Variants in MTSS1 observed in about 807,000 individuals in gnomAD.
MTSS1 encodes the protein MTSS I-BAR domain containing 1.
MTSS1 carries 18 observed loss-of-function variants against 79.0 expected under a neutral mutation model. That is an observed-to-expected ratio of 0.23 (90% CI 0.16 to 0.34). MTSS1 has a LOEUF of 0.34. Ranked by LOEUF, MTSS1 falls within the 10% of genes least tolerant of loss-of-function variation. MTSS1 has a pLI of 1.00. For synonymous variants in MTSS1, 341 were observed against 368.6 expected (o/e 0.93, Z 0.86); for missense variants, 815 against 986.2 (o/e 0.83, Z 2.33).
chr8:124,617,248 C>T (rs1837042014), intron 3 of MTSS1, among the ~76,000 whole-genome samples: 1 of 152,176 alleles, frequency 6.6e-6, no homozygotes, highest in Non-Finnish European at 1.5e-5. Context: ...GTGAAGGAAA[C>T]CAGGAGCTGC....
At chr8:124,701,523 A>T (rs1829696269) in intron 2 of MTSS1, among the ~76,000 whole-genome samples, 1 of 152,238 alleles carries the variant, frequency 6.6e-6, no homozygotes, top group African/African-American at 2.4e-5. Flanking sequence ...AACCCTGGAA[A>T]AATTAGCTTT....
chr8:124,595,954 T>C (rs1832683732), intron 3 of MTSS1, among the ~76,000 whole-genome samples: 1 of 152,102 alleles, frequency 6.6e-6, no homozygotes, highest in Non-Finnish European at 1.5e-5. Flanking sequence ...CTGGGGAATG[T>C]TTTCCTGATC....
intron 3 of MTSS1, among the ~76,000 whole-genome samples, chr8:124,694,265 C>A (rs1464093419): frequency 6.6e-6 from 1 of 152,028 alleles, no homozygotes; most frequent in Non-Finnish European, 1.5e-5. Context: ...CCCATCCCGG[C>A]CACTGTGCCA....
At chr8:124,555,975 C>T (rs1014964716) in intron 12 of MTSS1, 71 bp from the exon 13 acceptor site, 1 of 1,576,552 alleles carries the variant, frequency 6.3e-7, no homozygotes. Context: ...TGTTCTGCCC[C>T]CGTGAGCACT....
intron 6 of MTSS1, among the ~76,000 whole-genome samples, chr8:124,572,743 C>CTT (rs747243821): frequency 2.1e-4 from 26 of 123,666 alleles, no homozygotes; most frequent in African/African-American, 3.1e-4. Context: ...CTTTTCTTTT[C>CTT]TTTTTTTTTT....
intron 10 of MTSS1, among the ~76,000 whole-genome samples, chr8:124,558,234 A>C (rs561420119): frequency 1.1e-3 from 168 of 152,232 alleles, no homozygotes; most frequent in African/African-American, 3.8e-3. Context: ...ATGCAAATTT[A>C]AAAATTCCAA....
intron 1 of MTSS1, among the ~76,000 whole-genome samples, chr8:124,706,693 C>T (rs375980803): frequency 3.9e-5 from 6 of 152,248 alleles, no homozygotes; most frequent in Admixed American, 2.0e-4. Flanking sequence ...GGTCTTGTCA[C>T]GACATGACCT....
At chr8:124,708,252 C>T (rs965519074) in intron 1 of MTSS1, among the ~76,000 whole-genome samples, 14 of 152,144 alleles carry the variant, frequency 9.2e-5, no homozygotes, top group Admixed American at 2.0e-4. Flanking sequence ...AGAGGAGGAA[C>T]GAATGAGGTC....
intron 8 of MTSS1, among the ~76,000 whole-genome samples, chr8:124,566,628 ATGGT>A (rs1252958171): frequency 5.9e-5 from 9 of 152,370 alleles, no homozygotes; most frequent in Middle Eastern, 6.8e-3. Context: ...GAAATGGAGA[ATGGT>A]TGACAGTGTC....
chr8:124,569,907 T>G (rs1226424364), intron 6 of MTSS1, among the ~76,000 whole-genome samples: 1 of 152,196 alleles, frequency 6.6e-6, no homozygotes, highest in Non-Finnish European at 1.5e-5. Context: ...CTGAACCTAT[T>G]CTCTGCCCCA....
At chr8:124,652,982 T>G (rs1049157260) in intron 3 of MTSS1, among the ~76,000 whole-genome samples, 10 of 152,236 alleles carry the variant, frequency 6.6e-5, no homozygotes, top group Non-Finnish European at 1.3e-4. Flanking sequence ...CAGTGAATTC[T>G]CTGCCTCACC....
chr8:124,713,075 G>A (rs1353248149), intron 1 of MTSS1, among the ~76,000 whole-genome samples: 2 of 152,132 alleles, frequency 1.3e-5, no homozygotes, highest in African/African-American at 4.8e-5. Context: ...TGTCCAACAG[G>A]GGAGCCCCAC....
chr8:124,640,566 T>C (rs1408996819), intron 3 of MTSS1, among the ~76,000 whole-genome samples: 2 of 152,208 alleles, frequency 1.3e-5, no homozygotes, highest in Non-Finnish European at 1.5e-5. Context: ...GTTTTTGAGA[T>C]GGAGACTCGC....
chr8:124,638,384 C>A (rs1281615643), intron 3 of MTSS1, among the ~76,000 whole-genome samples: 1 of 152,230 alleles, frequency 6.6e-6, no homozygotes, highest in Non-Finnish European at 1.5e-5. Flanking sequence ...CTGGGCCTAT[C>A]TTAGAGTTTA....
At chr8:124,640,809 T>A (rs1248474493) in intron 3 of MTSS1, among the ~76,000 whole-genome samples, 1 of 152,178 alleles carries the variant, frequency 6.6e-6, no homozygotes, top group Non-Finnish European at 1.5e-5. Context: ...CCCAAAGTCC[T>A]GAGATAACAG....
intron 11 of MTSS1, among the ~76,000 whole-genome samples, 155 bp downstream of exon 11, chr8:124,557,526 C>T (rs1472277574): frequency 6.6e-6 from 1 of 152,146 alleles, no homozygotes; most frequent in Non-Finnish European, 1.5e-5. Context: ...TGCTTCTCCC[C>T]CAATGGGAGT....
At chr8:124,701,564 G>C (rs1829702020) in intron 2 of MTSS1, among the ~76,000 whole-genome samples, 1 of 152,202 alleles carries the variant, frequency 6.6e-6, no homozygotes. Flanking sequence ...TAAATAGCTT[G>C]TTCTGATTTA....
chr8:124,572,223 ACT>A (rs769680024), intron 6 of MTSS1, among the ~76,000 whole-genome samples: 5 of 152,094 alleles, frequency 3.3e-5, no homozygotes, highest in Non-Finnish European at 5.9e-5. Flanking sequence ...TAATTAAAGG[ACT>A]CTCAAATTGT....
chr8:124,667,813 C>T (rs1823385198), intron 3 of MTSS1, among the ~76,000 whole-genome samples: 1 of 152,022 alleles, frequency 6.6e-6, no homozygotes, highest in Non-Finnish European at 1.5e-5. Context: ...CACAGTGGCT[C>T]ACACCTATAA....
Sources: gnomAD v4.1 joint callset for allele counts (sites outside exome capture counted in the v4.1 genomes callset) on GRCh38, gnomAD v4.1.1 for gene constraint, MANE v1.5 for transcripts, NCBI Gene and HGNC (gene_info 2026-07-23, HGNC 2026-07-21) for gene names.